Variants in COL4A2 observed in about 807,000 individuals in gnomAD.
COL4A2 encodes the protein collagen alpha-2(IV) chain.
COL4A2 carries 99 observed loss-of-function variants against 200.2 expected under a neutral mutation model. The ratio of observed to expected loss-of-function variants is 0.49; its 90% CI spans 0.42 to 0.58. COL4A2 has a LOEUF of 0.58. Ranked by LOEUF, COL4A2 falls within the 20% of genes least tolerant of loss-of-function variation. COL4A2 has a pLI of 0.00. For missense variants in COL4A2, 1,950 were observed against 2,314.1 expected (o/e 0.84, Z 3.23); for synonymous variants, 897 against 900.6 (o/e 1.00, Z 0.07).
rs113136423 is a variant in COL4A2, at chr13:110,383,428, G to A, written c.180+25876G>A. ...TCAACTGTATTTTTATCTGATAAAT[G>A]CTAATACTGTACTGCAGTGCAGTTG... On this transcript the variant is annotated intron_variant, in intron 4 of 47. Coordinates refer to ENST00000360467, the MANE Select transcript of COL4A2 (RefSeq NM_001846.4). Among the ~76,000 whole-genome samples, 177 of 152,240 alleles carry A rather than the reference G, an allele frequency of 1.2e-3. 1 individual carries two copies. The highest frequency in any genetic ancestry group is 4.1e-3 in the African/African-American group (169 of 41,534).
intron 40 of COL4A2, among the ~76,000 whole-genome samples, chr13:110,496,458 G>A (rs1883457199): frequency 6.6e-6 from 1 of 152,236 alleles, no homozygotes; most frequent in South Asian, 2.1e-4. Context: ...CTGCCAACAG[G>A]AGCCAGACTA....
chr13:110,362,409 G>A (rs1877557575), intron 4 of COL4A2, among the ~76,000 whole-genome samples: 1 of 152,060 alleles, frequency 6.6e-6, no homozygotes, highest in Non-Finnish European at 1.5e-5. Context: ...GCCCTCCCAG[G>A]CTCAAGCAGT....
At chr13:110,315,111 GC>G (rs1326316294) in intron 3 of COL4A2, among the ~76,000 whole-genome samples, 1 of 152,210 alleles carries the variant, frequency 6.6e-6, no homozygotes, top group African/African-American at 2.4e-5. Flanking sequence ...CCCGGCCCCT[GC>G]CAGTTCTGCT....
chr13:110,505,305 G>A (rs1027512401), intron 45 of COL4A2, among the ~76,000 whole-genome samples: 4 of 151,976 alleles, frequency 2.6e-5, no homozygotes, highest in Admixed American at 6.6e-5. Flanking sequence ...AGCCAAGATC[G>A]CGCCACTGCA....
chr13:110,357,763 G>C (rs753097413), intron 4 of COL4A2, among the ~76,000 whole-genome samples: 1 of 152,178 alleles, frequency 6.6e-6, no homozygotes, highest in Non-Finnish European at 1.5e-5. Flanking sequence ...AAACCTGTAC[G>C]TAGGCAGTTG....
At chr13:110,317,422 C>T (rs1271927402) in intron 3 of COL4A2, among the ~76,000 whole-genome samples, 2 of 152,158 alleles carry the variant, frequency 1.3e-5, no homozygotes, top group African/African-American at 4.8e-5. Flanking sequence ...CCGGAGGACG[C>T]TCCTGGTTTC....
chr13:110,497,279 G>T (rs561036848), intron 40 of COL4A2, among the ~76,000 whole-genome samples: 1 of 151,022 alleles, frequency 6.6e-6, no homozygotes, highest in African/African-American at 2.4e-5. Flanking sequence ...TCAGGGGTGA[G>T]GATCTAGGTC....
rs753696775 is a variant in COL4A2 at position 110,512,221 on chromosome 13, G to T, written c.*30G>T. ...GCGCGTGCCAGGAAGGGCCATTTTG[G>T]TGCTTATTCTTAACTTATTACCTCA... On this transcript the variant is annotated 3_prime_UTR_variant, in exon 48 of 48. Coordinates refer to ENST00000360467, the MANE Select transcript of COL4A2 (RefSeq NM_001846.4). The T allele has an allele frequency of 7.5e-6, 12 of 1,593,424 alleles. No homozygotes were observed. The highest frequency in any genetic ancestry group is 1.0e-5 in the Non-Finnish European group (12 of 1,172,182).
At chr13:110,500,347 C>G (rs897539825) in intron 40 of COL4A2, among the ~76,000 whole-genome samples, 2 of 152,200 alleles carry the variant, frequency 1.3e-5, no homozygotes, top group African/African-American at 4.8e-5. Flanking sequence ...TAATACTAAT[C>G]TTGGTCCCCA....
intron 4 of COL4A2, among the ~76,000 whole-genome samples, chr13:110,359,931 C>T (rs1370992942): frequency 6.6e-6 from 1 of 152,202 alleles, no homozygotes; most frequent in African/African-American, 2.4e-5. Flanking sequence ...GTTAAGCATT[C>T]CTCTGCCTGC....
intron 3 of COL4A2, among the ~76,000 whole-genome samples, chr13:110,355,353 T>TG (rs1401039967): frequency 2.1e-5 from 2 of 96,912 alleles, no homozygotes; most frequent in Non-Finnish European, 3.6e-5. Flanking sequence ...CACCTGTGTG[T>TG]GTGGGGGAGG....
At chr13:110,505,307 G>A (rs1027430583) in intron 45 of COL4A2, among the ~76,000 whole-genome samples, 7 of 152,048 alleles carry the variant, frequency 4.6e-5, no homozygotes, top group East Asian at 1.9e-4. Context: ...CCAAGATCGC[G>A]CCACTGCACT....
chr13:110,362,526 G>T (rs144652188), intron 4 of COL4A2, among the ~76,000 whole-genome samples: 1 of 149,580 alleles, frequency 6.7e-6, no homozygotes, highest in African/African-American at 2.5e-5. Context: ...TTGCCATATT[G>T]CCCAGTCTGG....
intron 18 of COL4A2, among the ~76,000 whole-genome samples, 161 bp from the exon 19 acceptor site, chr13:110,449,518 A>G (rs1329915655): frequency 6.6e-6 from 1 of 152,214 alleles, no homozygotes; most frequent in Non-Finnish European, 1.5e-5. Flanking sequence ...GAGCCCCTTA[A>G]AAAGAGAGAC....
chr13:110,326,238 C>G (rs1422071299), intron 3 of COL4A2, among the ~76,000 whole-genome samples: 3 of 152,164 alleles, frequency 2.0e-5, no homozygotes, highest in Non-Finnish European at 2.9e-5. Context: ...GAAAATGCAT[C>G]CCCTGTGAGA....
At chr13:110,429,180 TG>T (rs1162025556) in intron 7 of COL4A2, 6 of 152,152 alleles carry the variant, frequency 3.9e-5, no homozygotes, top group Non-Finnish European at 8.8e-5. Flanking sequence ...AACTTTAAAG[TG>T]GGGAGGGAAG....
intron 3 of COL4A2, among the ~76,000 whole-genome samples, chr13:110,318,620 T>C (rs1885204376): frequency 6.6e-6 from 1 of 152,304 alleles, no homozygotes; most frequent in South Asian, 2.1e-4. Flanking sequence ...AGCCAGGTGA[T>C]GTTGGTGCGA....
chr13:110,466,430 C>T (rs1440404035), intron 26 of COL4A2, among the ~76,000 whole-genome samples: 1 of 152,144 alleles, frequency 6.6e-6, no homozygotes, highest in Non-Finnish European at 1.5e-5. Context: ...TCCAGATTCC[C>T]AGGCACACAG....
intron 40 of COL4A2, among the ~76,000 whole-genome samples, chr13:110,497,053 G>A (rs943660547): frequency 1.4e-5 from 2 of 140,166 alleles, no homozygotes; most frequent in Admixed American, 7.1e-5. Flanking sequence ...ACCAGCACAA[G>A]CTCCACTGAG....
Sources: gnomAD v4.1 joint callset for allele counts (sites outside exome capture counted in the v4.1 genomes callset) on GRCh38, gnomAD v4.1.1 for gene constraint, MANE v1.5 for transcripts, NCBI Gene and HGNC (gene_info 2026-07-23, HGNC 2026-07-21) for gene names.